The following SLC39A11 variants were observed in gnomAD, a reference collection of about 807,000 sequenced individuals.
SLC39A11 encodes solute carrier family 39 member 11.
SLC39A11 carries 33 observed loss-of-function variants against 36.1 expected under a neutral mutation model. The observed-to-expected ratio is 0.91, with a 90% CI of 0.69 to 1.22. SLC39A11 has a LOEUF of 1.22. Among genes scored for constraint, SLC39A11 ranks in the 50% most tolerant of loss-of-function variants. The pLI is 0.00. For missense variants in SLC39A11, 432 were observed against 430.3 expected, an observed-to-expected ratio of 1.00 and a Z score of -0.03; for synonymous variants, 166 against 170.3, an observed-to-expected ratio of 0.97 and a Z score of 0.20.
chr17:72,849,313 C>T (rs12941853), intron 6 of SLC39A11, among the ~76,000 whole-genome samples: 70,100 of 151,928 alleles, frequency 0.46, 17,117 homozygotes, highest in Non-Finnish European at 0.54. Context: ...ACCAGAGATA[C>T]CCAGTATTTA....
intron 7 of SLC39A11, among the ~76,000 whole-genome samples, chr17:72,661,227 C>T (rs1325841127): frequency 6.6e-6 from 1 of 152,160 alleles, no homozygotes; most frequent in Non-Finnish European, 1.5e-5. Context: ...ACCTTGTGTT[C>T]TCTGACCATG....
At chr17:72,796,298 G>A (rs2076892974) in intron 6 of SLC39A11, among the ~76,000 whole-genome samples, 1 of 152,136 alleles carries the variant, frequency 6.6e-6, no homozygotes, top group Admixed American at 6.5e-5. Context: ...GGTAGCGACA[G>A]GCTTCAAATC....
intron 5 of SLC39A11, among the ~76,000 whole-genome samples, chr17:72,877,343 G>C (rs944035082): frequency 6.6e-6 from 1 of 152,184 alleles, no homozygotes; most frequent in Non-Finnish European, 1.5e-5. Flanking sequence ...TCTCTGAATA[G>C]TAATTCACAA....
At chr17:72,981,143 A>G (rs569850663) in intron 4 of SLC39A11, among the ~76,000 whole-genome samples, 6 of 152,346 alleles carry the variant, frequency 3.9e-5, no homozygotes, top group Admixed American at 3.9e-4. Flanking sequence ...TATTTTATCC[A>G]AATATATCCA....
intron 5 of SLC39A11, among the ~76,000 whole-genome samples, chr17:72,918,007 C>A (rs2083429818): frequency 1.3e-5 from 2 of 152,346 alleles, no homozygotes; most frequent in South Asian, 4.1e-4. Flanking sequence ...AGGGGCAGAA[C>A]AAAAAGACCA....
At chr17:73,065,666 TGA>T (rs1267388740) in intron 3 of SLC39A11, among the ~76,000 whole-genome samples, 13 of 152,200 alleles carry the variant, frequency 8.5e-5, no homozygotes, top group Non-Finnish European at 1.5e-5. Context: ...GCCCTTGGAC[TGA>T]GAGTTTAGCT....
chr17:72,730,234 T>C (rs1598479033), intron 7 of SLC39A11, among the ~76,000 whole-genome samples: 1 of 152,226 alleles, frequency 6.6e-6, no homozygotes, highest in African/African-American at 2.4e-5. Flanking sequence ...ATTTTTCCTT[T>C]AAACAGTTCG....
Position 72,941,699 on chromosome 17 carries a change from C to T in SLC39A11, c.430+6053G>A, listed in dbSNP as rs915593597. Among the ~76,000 whole-genome samples the T allele has an allele frequency of 7.9e-5, 12 of 152,174 alleles. No homozygotes were observed. In the East Asian group the frequency reaches 1.2e-3, roughly 15 times the overall value. ...ATGTTCCCATGAGCTAGGACACTAA[C>T]GGTCTCATGCTGCCTGCACAGATCC... On this transcript the variant is annotated intron_variant, in intron 5 of 9. Coordinates refer to ENST00000255559, the MANE Select transcript of SLC39A11 (RefSeq NM_139177.4).
chr17:72,905,897 GCGCCCGCCACCA>G (rs1030822590), intron 5 of SLC39A11, among the ~76,000 whole-genome samples: 1 of 152,108 alleles, frequency 6.6e-6, no homozygotes, highest in Non-Finnish European at 1.5e-5. Flanking sequence ...GGGACTACAG[GCGCCCGCCACCA>G]CGCCCGGCTA....
chr17:72,657,207 A>G (rs1428024982), intron 7 of SLC39A11, among the ~76,000 whole-genome samples: 1 of 152,078 alleles, frequency 6.6e-6, no homozygotes, highest in African/African-American at 2.4e-5. Context: ...TAAAAATACA[A>G]AAATTAGCCA....
At chr17:72,789,040 CTTT>C (rs34275454) in intron 6 of SLC39A11, among the ~76,000 whole-genome samples, 1 of 144,036 alleles carries the variant, frequency 6.9e-6, no homozygotes. Flanking sequence ...AGGACAAAGG[CTTT>C]TTTTTTTTTT....
chr17:72,743,549 CT>C (rs2074805229), intron 6 of SLC39A11, among the ~76,000 whole-genome samples: 1 of 152,140 alleles, frequency 6.6e-6, no homozygotes, highest in South Asian at 2.1e-4. Context: ...CACTTTCCCC[CT>C]GGATTTAGAA....
chr17:72,767,977 G>GT (rs1166744203), intron 6 of SLC39A11, among the ~76,000 whole-genome samples: 1 of 151,964 alleles, frequency 6.6e-6, no homozygotes, highest in Non-Finnish European at 1.5e-5. Context: ...GGCAGTTTGG[G>GT]TGAAGGGGTG....
intron 5 of SLC39A11, among the ~76,000 whole-genome samples, chr17:72,916,020 GT>G (rs975166932): frequency 6.6e-6 from 1 of 152,160 alleles, no homozygotes; most frequent in East Asian, 1.9e-4. Flanking sequence ...CTGGCCTTTT[GT>G]TTTACAAGAA....
chr17:72,756,093 G>A (rs1033418933), intron 6 of SLC39A11, among the ~76,000 whole-genome samples: 1 of 152,242 alleles, frequency 6.6e-6, no homozygotes, highest in African/African-American at 2.4e-5. Flanking sequence ...CTTGAGCACT[G>A]TTGGTAGGAA....
At chr17:72,731,967 T>C (rs565968403) in intron 7 of SLC39A11, among the ~76,000 whole-genome samples, 1 of 151,250 alleles carries the variant, frequency 6.6e-6, no homozygotes, top group Admixed American at 6.6e-5. Flanking sequence ...TCTCGGGTGA[T>C]CCACCCACCT....
At chr17:73,041,009 CAAAAAA>C (rs201482199) in intron 3 of SLC39A11, among the ~76,000 whole-genome samples, 1 of 140,124 alleles carries the variant, frequency 7.1e-6, no homozygotes, top group African/African-American at 2.6e-5. Flanking sequence ...AAACAAAAAA[CAAAAAA>C]AAAAAACAGT....
chr17:72,670,160 T>TACACACAC (rs202032502), intron 7 of SLC39A11, among the ~76,000 whole-genome samples: 1 of 104,686 alleles, frequency 9.6e-6, no homozygotes, highest in East Asian at 3.1e-4. Flanking sequence ...ACATTTTATA[T>TACACACAC]ACACACACAC....
At chr17:72,903,126 C>T (rs986050089) in intron 5 of SLC39A11, among the ~76,000 whole-genome samples, 2 of 151,804 alleles carry the variant, frequency 1.3e-5, no homozygotes, top group Non-Finnish European at 2.9e-5. Flanking sequence ...ATTAGCAGGG[C>T]GTGGTGGCAG....
Sources: gnomAD v4.1 joint callset for allele counts (sites outside exome capture counted in the v4.1 genomes callset) on GRCh38, gnomAD v4.1.1 for gene constraint, MANE v1.5 for transcripts, NCBI Gene and HGNC (gene_info 2026-07-23, HGNC 2026-07-21) for gene names.